The following DENND1A variants were observed in gnomAD, a reference collection of about 807,000 sequenced individuals.
DENND1A encodes the protein DENN domain containing 1A.
A neutral mutation model predicts 113.7 loss-of-function variants in DENND1A; 51 were observed. The observed-to-expected ratio is 0.45, with a 90% confidence interval of 0.36 to 0.57. The LOEUF (loss-of-function observed/expected upper bound fraction) is 0.57, where lower values mean the gene tolerates loss of function less well. DENND1A is among the 20% of genes least tolerant of loss of function. The probability of loss-of-function intolerance (pLI) is 0.00; values close to 1 mark genes in which losing one functional copy is unlikely to be tolerated. For synonymous variants in DENND1A, 565 were observed against 570.8 expected (o/e 0.99, Z 0.14); for missense variants, 1,258 against 1,395.9 (o/e 0.90, Z 1.57).
chr9:123,552,635 T>C (rs2057162746), intron 13 of DENND1A, among the ~76,000 whole-genome samples: 1 of 152,246 alleles, frequency 6.6e-6, no homozygotes, highest in Non-Finnish European at 1.5e-5. Flanking sequence ...AGAGGGCTGG[T>C]AGCACTGCAG....
chr9:123,677,283 A>G (rs1157791305), intron 5 of DENND1A, among the ~76,000 whole-genome samples: 3 of 152,156 alleles, frequency 2.0e-5, no homozygotes, highest in Non-Finnish European at 4.4e-5. Flanking sequence ...TCTACCCATC[A>G]CACACCATCT....
At chr9:123,578,724 G>A (rs2058740581) in intron 12 of DENND1A, among the ~76,000 whole-genome samples, 1 of 152,170 alleles carries the variant, frequency 6.6e-6, no homozygotes, top group Non-Finnish European at 1.5e-5. Context: ...AAACTGACAA[G>A]TAAAAGGGAA....
At chr9:123,928,575 G>A (rs974049270) in intron 1 of DENND1A, 3 of 985,148 alleles carry the variant, frequency 3.0e-6, no homozygotes, top group African/African-American at 1.7e-5. Context: ...GTGTTCATGC[G>A]ACTCTTCCAT....
intron 5 of DENND1A, among the ~76,000 whole-genome samples, chr9:123,707,778 AAT>A (rs2066324867): frequency 6.6e-6 from 1 of 152,160 alleles, no homozygotes; most frequent in Admixed American, 6.5e-5. Context: ...GGGAAGAGGA[AAT>A]AGAGACCTAA....
At chr9:123,839,837 G>A (rs959221282) in intron 2 of DENND1A, among the ~76,000 whole-genome samples, 1 of 151,820 alleles carries the variant, frequency 6.6e-6, no homozygotes, top group Non-Finnish European at 1.5e-5. Flanking sequence ...TATTCCTATT[G>A]AGCATCTACC....
At chr9:123,416,677 G>C (rs1179927069) in intron 19 of DENND1A, among the ~76,000 whole-genome samples, 1 of 152,252 alleles carries the variant, frequency 6.6e-6, no homozygotes, top group East Asian at 1.9e-4. Flanking sequence ...GCCAGGGCAG[G>C]AGGGGAGAGA....
At chr9:123,809,050 C>T (rs1836096759) in intron 2 of DENND1A, among the ~76,000 whole-genome samples, 1 of 152,172 alleles carries the variant, frequency 6.6e-6, no homozygotes, top group African/African-American at 2.4e-5. Context: ...CTAGTGAGAC[C>T]TGAAAGCTCA....
At chr9:123,429,786 G>A (rs2046000868) in intron 19 of DENND1A, among the ~76,000 whole-genome samples, 1 of 152,140 alleles carries the variant, frequency 6.6e-6, no homozygotes, top group Non-Finnish European at 1.5e-5. Flanking sequence ...ATAGGTATGG[G>A]CAAAAATTTC....
At chr9:123,680,176 C>A (rs780559072) in intron 5 of DENND1A, among the ~76,000 whole-genome samples, 1 of 152,122 alleles carries the variant, frequency 6.6e-6, no homozygotes, top group Non-Finnish European at 1.5e-5. Context: ...CAGAGAAAAG[C>A]GAAAAGGAAC....
chr9:123,584,977 T>C (rs2059092913), intron 11 of DENND1A, among the ~76,000 whole-genome samples: 1 of 152,154 alleles, frequency 6.6e-6, no homozygotes, highest in African/African-American at 2.4e-5. Flanking sequence ...CTGGTTGACA[T>C]TCACTCTCTT....
At chr9:123,894,175 T>G (rs887549436) in intron 1 of DENND1A, among the ~76,000 whole-genome samples, 2 of 152,200 alleles carry the variant, frequency 1.3e-5, no homozygotes, top group African/African-American at 4.8e-5. Flanking sequence ...CTTGGTGAAT[T>G]TGTTAAGTGA....
chr9:123,802,986 G>A (rs1834955450), intron 2 of DENND1A, among the ~76,000 whole-genome samples: 1 of 152,200 alleles, frequency 6.6e-6, no homozygotes, highest in Admixed American at 6.5e-5. Context: ...ATAGGCGTGA[G>A]CCACCACACT....
chr9:123,683,559 T>C (rs2064608914), intron 5 of DENND1A, among the ~76,000 whole-genome samples: 1 of 152,226 alleles, frequency 6.6e-6, no homozygotes, highest in Admixed American at 6.5e-5. Flanking sequence ...TTTTATACTT[T>C]TTCTAGATAA....
chr9:123,388,311 C>CT (rs2042670375), intron 21 of DENND1A, among the ~76,000 whole-genome samples: 1 of 152,170 alleles, frequency 6.6e-6, no homozygotes, highest in Non-Finnish European at 1.5e-5. Flanking sequence ...CTGTCATCTG[C>CT]TTATGGAAAA....
intron 5 of DENND1A, among the ~76,000 whole-genome samples, chr9:123,698,939 T>C (rs2065696913): frequency 6.6e-6 from 1 of 152,186 alleles, no homozygotes; most frequent in Non-Finnish European, 1.5e-5. Flanking sequence ...CCTCAGAATT[T>C]ACGGTGGCAA....
At chr9:123,492,628 AT>A (rs2051476239) in intron 13 of DENND1A, 2 of 152,232 alleles carry the variant, frequency 1.3e-5, no homozygotes, top group South Asian at 4.1e-4. Flanking sequence ...ACTTTTTTAA[AT>A]ACAAGAATTT....
At chr9:123,557,507 C>G (rs2057486694) in intron 13 of DENND1A, 63 bp downstream of exon 13, 1 of 1,586,508 alleles carries the variant, frequency 6.3e-7, no homozygotes, top group South Asian at 1.1e-5. Context: ...TTCTTGTGGC[C>G]CCTGAGGTAT....
At chr9:123,486,254 C>T (rs1252506342) in intron 13 of DENND1A, among the ~76,000 whole-genome samples, 1 of 152,060 alleles carries the variant, frequency 6.6e-6, no homozygotes, top group South Asian at 2.1e-4. Context: ...CCAATGAAGG[C>T]CCCACCCTGA....
intron 20 of DENND1A, among the ~76,000 whole-genome samples, chr9:123,406,523 T>C (rs967291613): frequency 1.3e-5 from 2 of 152,238 alleles, no homozygotes; most frequent in African/African-American, 4.8e-5. Flanking sequence ...CTGCCTGGTA[T>C]GTCATGGTTG....
Sources: allele counts gnomAD v4.1 joint callset (sites outside exome capture counted in the v4.1 genomes callset), GRCh38; gene constraint gnomAD v4.1.1; transcripts MANE v1.5; gene names NCBI Gene and HGNC (gene_info 2026-07-23, HGNC 2026-07-21).